The following TRPC3 variants were observed in gnomAD, a reference collection of about 807,000 sequenced individuals.
TRPC3 encodes transient receptor potential cation channel subfamily C member 3.
TRPC3 carries 54 observed loss-of-function variants against 90.9 expected under a neutral mutation model. The ratio of observed to expected loss-of-function variants is 0.59; its 90% CI spans 0.48 to 0.75. TRPC3 has a LOEUF of 0.75. TRPC3 is among the 30% of genes least tolerant of loss of function. The probability of loss-of-function intolerance (pLI) is 0.00; values close to 1 mark genes in which losing one functional copy is unlikely to be tolerated. For synonymous variants in TRPC3, 424 were observed against 450.9 expected, an observed-to-expected ratio of 0.94 and a Z score of 0.75; for missense variants, 918 against 1,194.5, an observed-to-expected ratio of 0.77 and a Z score of 3.41.
intron 1 of TRPC3, among the ~76,000 whole-genome samples, chr4:121,939,548 T>C (rs1730234933): frequency 1.3e-5 from 2 of 152,220 alleles, no homozygotes; most frequent in African/African-American, 4.8e-5. Context: ...GGTGAGGAAG[T>C]ACCTTAAGTA....
intron 3 of TRPC3, among the ~76,000 whole-genome samples, chr4:121,923,063 C>G (rs1316058936): frequency 6.6e-6 from 1 of 151,474 alleles, no homozygotes; most frequent in East Asian, 1.9e-4. Context: ...GAGAGAGAGA[C>G]AGAGAGGAGG....
intron 2 of TRPC3, among the ~76,000 whole-genome samples, chr4:121,925,463 T>C (rs116710353): frequency 3.3e-3 from 502 of 151,668 alleles, no homozygotes; most frequent in Non-Finnish European, 5.5e-3. Flanking sequence ...CACTTATATG[T>C]GGAATCTAAA....
At position 121,945,100 on chromosome 4, in the gene TRPC3, G is replaced by A. The variant is rs190565827; in HGVS notation, c.215+6366C>T. On this transcript the variant is annotated intron_variant, in intron 1 of 11. Coordinates refer to ENST00000379645, the MANE Select transcript of TRPC3 (RefSeq NM_001130698.2). Reference sequence around the variant, plus strand: ...AATTTCAGAAGTGTGGTACTAAGATGATTTTAGGTGGGGAATTCAGATGAC... The same window carrying A: ...AATTTCAGAAGTGTGGTACTAAGATAATTTTAGGTGGGGAATTCAGATGAC... Among the ~76,000 whole-genome samples, 27 of 152,300 alleles carry A rather than the reference G, an allele frequency of 1.8e-4. No individual in the cohort carries two copies. In the East Asian group the frequency reaches 5.0e-3, roughly 28 times the overall value.
chr4:121,951,986 C>T lies in TRPC3; in HGVS notation c.-306G>A, dbSNP rs1310586088. Among the ~76,000 whole-genome samples, 1 of 143,926 alleles carries T rather than the reference C, an allele frequency of 6.9e-6. No homozygotes were observed. Among genetic ancestry groups the T allele is most frequent in the Non-Finnish European group, 1.5e-5 (1 of 65,614 alleles). 94.4% of individuals were successfully genotyped at this position (143,926 alleles called of 152,430 possible). A position where few individuals can be genotyped will look rare whatever the true frequency, so the allele number is the denominator to read the frequency against. On this transcript the variant is annotated 5_prime_UTR_variant, in exon 1 of 12. Transcript: ENST00000379645. This position sits in a 1 kb window ranked among gnomAD's most constrained non-coding sequence, Gnocchi z 4.4. ...TGCTGGGAGAGGCTCTCCAGCCCCG[C>T]GGCGGCGGCGATGCCTCCTCGGCGC... is the stretch of plus-strand genomic sequence containing the variant.
intron 3 of TRPC3, among the ~76,000 whole-genome samples, chr4:121,918,188 C>T (rs1358301336): frequency 1.3e-5 from 2 of 152,184 alleles, no homozygotes. Flanking sequence ...TTCCTCCCCT[C>T]TAGAGGATGC....
chr4:121,921,521 C>CAAAAAA (rs536564094), intron 3 of TRPC3, among the ~76,000 whole-genome samples: 3 of 56,912 alleles, frequency 5.3e-5, no homozygotes, highest in African/African-American at 6.1e-5. Context: ...GACTCCGTCT[C>CAAAAAA]AAAAAAAAAA....
rs1727791165 is a variant in TRPC3 at position 121,877,356 on chromosome 4, C to A, written c.*2380G>T. On this transcript the variant is annotated 3_prime_UTR_variant, in exon 12 of 12. Coordinates refer to ENST00000379645, the MANE Select transcript of TRPC3 (RefSeq NM_001130698.2). ...TCATCTCAGCTTGAGTCTGGCATCA[C>A]CCTAATCCTTTCAGGAGCTCTGGAG... is the stretch of plus-strand genomic sequence containing the variant. 6.6e-6 allele frequency among the ~76,000 whole-genome samples: 1 copy of A among 152,186 alleles called. No homozygotes were observed. The highest frequency in any genetic ancestry group is 1.5e-5 in the Non-Finnish European group (1 of 68,034).
intron 10 of TRPC3, among the ~76,000 whole-genome samples, chr4:121,885,434 G>A (rs1347705982): frequency 1.3e-5 from 2 of 152,116 alleles, no homozygotes; most frequent in Admixed American, 6.6e-5. Flanking sequence ...ACTGTGAGTT[G>A]CAAGAACAAA....
chr4:121,887,723 A>G (rs1323872234), intron 10 of TRPC3, among the ~76,000 whole-genome samples: 1 of 152,218 alleles, frequency 6.6e-6, no homozygotes, highest in African/African-American at 2.4e-5. Context: ...GCTTCAGTGG[A>G]GTCTCACAAT....
intron 5 of TRPC3, 97 bp from the exon 6 acceptor site, chr4:121,910,484 C>G (rs778474758): frequency 2.1e-4 from 192 of 915,648 alleles, no homozygotes; most frequent in Admixed American, 9.0e-4. Flanking sequence ...CTACCCTACA[C>G]GTCAAGCACA....
rs1181565024 is a variant in TRPC3 at position 121,921,380 on chromosome 4, G to GGC, written c.1176+3636_1176+3637dup. ...TACTAAAAATACAAAAAATTAGCCG[G>GGC]GCGTAGTGGCGGGCGCCTGTAGTCC... On this transcript the variant is annotated intron_variant, in intron 3 of 11. Transcript: ENST00000379645. Among the ~76,000 whole-genome samples, 297 of 151,402 alleles carry GGC rather than the reference G, an allele frequency of 2.0e-3. 2 individuals are homozygous for GGC. The highest frequency in any genetic ancestry group is 6.8e-3 in the African/African-American group (282 of 41,276).
chr4:121,932,328 C>G lies in TRPC3; in HGVS notation c.930G>C (p.Thr310=). ...LSLSSEDPVL[T]ALELSNELAK... ...CCAGCTCGTTGCTGAGCTCTAGGGC[C>G]GTAAGCACCGGGTCCTCGCTGGACA... Residue 310 remains threonine, a synonymous_variant, in exon 2 of 12, where the codon ACG becomes ACC. Coordinates refer to ENST00000379645, the MANE Select transcript of TRPC3 (RefSeq NM_001130698.2). The surrounding 1 kb of genome is among the most constrained non-coding windows in gnomAD (Gnocchi z 7.7). The G allele has an allele frequency of 6.2e-7, 1 of 1,614,150 alleles. No homozygotes were observed. The highest frequency in any genetic ancestry group is 8.5e-7 in the Non-Finnish European group (1 of 1,180,022).
intron 1 of TRPC3, among the ~76,000 whole-genome samples, chr4:121,933,965 G>A (rs931535348): frequency 1.3e-5 from 2 of 152,134 alleles, no homozygotes; most frequent in Non-Finnish European, 2.9e-5. Flanking sequence ...TTTGCCTCTT[G>A]GAACTGAAAC....
chr4:121,882,299 T>C, intron 11 of TRPC3, 55 bp downstream of exon 11: 2 of 1,515,972 alleles, frequency 1.3e-6, no homozygotes, highest in East Asian at 2.3e-5. Context: ...CATTAAGTTT[T>C]CCAGGTTCAT....
At position 121,887,769 on chromosome 4, in the gene TRPC3, C is replaced by T. The variant is rs150878032; in HGVS notation, c.2548-5340G>A. Among the ~76,000 whole-genome samples the T allele has an allele frequency of 7.6e-3, 1,155 of 152,150 alleles. 9 individuals are homozygous for T. The highest frequency in any genetic ancestry group is 0.025 in the African/African-American group (1,047 of 41,496). On this transcript the variant is annotated intron_variant, in intron 10 of 11. Transcript: ENST00000379645. ...TTCTTAACATATCATAGCATATCTGCGTGCTTTTAACTTGAAATAACCAAA... is the reference window on the plus strand; with the variant it reads ...TTCTTAACATATCATAGCATATCTGTGTGCTTTTAACTTGAAATAACCAAA...
At position 121,950,217 on chromosome 4, in the gene TRPC3, TTGTGTTCC is replaced by T. The variant is rs528415633; in HGVS notation, c.215+1241_215+1248del. 8.4e-4 allele frequency among the ~76,000 whole-genome samples: 128 copies of T among 152,330 alleles called. 2 individuals are homozygous for T. The highest frequency in any genetic ancestry group is 2.9e-3 in the African/African-American group (119 of 41,594). ...TATGGGATCTACTCCCAGCCACTGATTGTGTTCCTGTGTTCTACCGGCAGGTCCAGCCT... is the reference window on the plus strand; with the variant it reads ...TATGGGATCTACTCCCAGCCACTGATTGTGTTCTACCGGCAGGTCCAGCCT... On this transcript the variant is annotated intron_variant, in intron 1 of 11. Coordinates refer to ENST00000379645, the MANE Select transcript of TRPC3 (RefSeq NM_001130698.2).
At position 121,914,777 on chromosome 4, in the gene TRPC3, T is replaced by G; in HGVS notation, c.1341+3A>C. Reference sequence around the variant, plus strand: ...AGAGGAAATAGATGTAGAAAGCAAGTACCCTGCTGCAAGGTGCGATCCAGT... The same window carrying G: ...AGAGGAAATAGATGTAGAAAGCAAGGACCCTGCTGCAAGGTGCGATCCAGT... On this transcript the variant is annotated splice_donor_region_variant and intron_variant, in intron 4 of 11. Transcript: ENST00000379645. 1 of 1,600,202 alleles carries G rather than the reference T, an allele frequency of 6.2e-7. No individual in the cohort carries two copies. The highest frequency in any genetic ancestry group is 8.5e-7 in the Non-Finnish European group (1 of 1,170,100).
chr4:121,934,204 C>G (rs1730053051), intron 1 of TRPC3, among the ~76,000 whole-genome samples: 1 of 152,152 alleles, frequency 6.6e-6, no homozygotes, highest in Non-Finnish European at 1.5e-5. Context: ...CCTTGTGCAT[C>G]CTTACGCCAG....
At chr4:121,883,806 A>G (rs995108910) in intron 10 of TRPC3, among the ~76,000 whole-genome samples, 2 of 152,174 alleles carry the variant, frequency 1.3e-5, no homozygotes, top group African/African-American at 4.8e-5. Context: ...CCTGGGCTCA[A>G]CGCTGTCCTC....
Sources: gnomAD v4.1 joint callset for allele counts (sites outside exome capture counted in the v4.1 genomes callset) on GRCh38, gnomAD v4.1.1 for gene constraint, Gnocchi (gnomAD v3.1) non-coding constraint, MANE v1.5 for transcripts, NCBI Gene and HGNC (gene_info 2026-07-23, HGNC 2026-07-21) for gene names.